The following CDS1 variants were observed in gnomAD, a reference collection of about 807,000 sequenced individuals.
CDS1 encodes the protein phosphatidate cytidylyltransferase 1.
CDS1 carries 41 observed loss-of-function variants against 62.1 expected under a neutral mutation model. The observed-to-expected ratio is 0.66, with a 90% CI of 0.51 to 0.86. The LOEUF (loss-of-function observed/expected upper bound fraction) is 0.86. Among genes scored for constraint, CDS1 ranks in the 40% least tolerant of loss-of-function variants. CDS1 has a pLI of 0.00. For synonymous variants in CDS1, 185 were observed against 192.6 expected, an observed-to-expected ratio of 0.96 and a Z score of 0.32; for missense variants, 470 against 550.1, an observed-to-expected ratio of 0.85 and a Z score of 1.46.
chr4:84,599,592 G>T (rs1722872615), intron 1 of CDS1, among the ~76,000 whole-genome samples: 1 of 151,018 alleles, frequency 6.6e-6, no homozygotes, highest in Non-Finnish European at 1.5e-5. Context: ...GCATTTTCTG[G>T]AATTTTATAT....
intron 1 of CDS1, among the ~76,000 whole-genome samples, chr4:84,595,044 C>T (rs1722707051): frequency 6.6e-6 from 1 of 152,082 alleles, no homozygotes; most frequent in Non-Finnish European, 1.5e-5. Flanking sequence ...AAGAGGTGGC[C>T]AAAATCAGTC....
At chr4:84,646,451 G>A (rs191236579) in intron 12 of CDS1, among the ~76,000 whole-genome samples, 188 of 152,036 alleles carry the variant, frequency 1.2e-3, no homozygotes, top group African/African-American at 4.5e-3. Context: ...ATCCATTGAA[G>A]ACTATTAAGT....
chr4:84,641,530 G>T (rs1724384445), intron 10 of CDS1, among the ~76,000 whole-genome samples: 1 of 152,202 alleles, frequency 6.6e-6, no homozygotes, highest in African/African-American at 2.4e-5. Flanking sequence ...TTTAGAATGT[G>T]TTTCTCATAT....
chr4:84,583,662 T>A lies in CDS1; in HGVS notation c.117+144T>A, dbSNP rs1356738122. ...CACCTTCCTCCCTGCCTGGCACTGC[T>A]TCCTCCTTCTCCAGAGGGGGTCGGG... On this transcript the variant is annotated intron_variant, in intron 1 of 12. Coordinates refer to ENST00000295887, the MANE Select transcript of CDS1 (RefSeq NM_001263.4). 3 of 556,286 alleles carry A rather than the reference T, an allele frequency of 5.4e-6. No homozygotes were observed. In the African/African-American group the frequency reaches 6.1e-5, roughly 11 times the overall value. 34.5% of individuals were successfully genotyped at this position (556,286 alleles called of 1,614,324 possible). A position where few individuals can be genotyped will look rare whatever the true frequency, so the allele number is the denominator to read the frequency against.
intron 1 of CDS1, among the ~76,000 whole-genome samples, chr4:84,583,967 G>A (rs1276525675): frequency 1.3e-5 from 2 of 152,120 alleles, no homozygotes; most frequent in Non-Finnish European, 2.9e-5. Flanking sequence ...ATCCTGACGC[G>A]GGAGGCTTGG....
intron 3 of CDS1, among the ~76,000 whole-genome samples, chr4:84,611,780 A>G (rs1723332059): frequency 1.3e-5 from 2 of 152,190 alleles, no homozygotes; most frequent in Admixed American, 1.3e-4. Context: ...ATGTGAGAGC[A>G]GAGGAAGCGG....
chr4:84,588,047 C>T (rs1390106514), intron 1 of CDS1, among the ~76,000 whole-genome samples: 14 of 152,214 alleles, frequency 9.2e-5, no homozygotes, highest in Non-Finnish European at 8.8e-5. Context: ...TTTGCAGGCC[C>T]TCTGAACAGC....
chr4:84,617,425 A>AT (rs1723531426), intron 3 of CDS1, 139 bp from the exon 4 acceptor site: 3 of 587,878 alleles, frequency 5.1e-6, no homozygotes, highest in South Asian at 4.1e-5. Context: ...GGAATATTGC[A>AT]TTTTTTACTG....
At position 84,628,965 on chromosome 4, in the gene CDS1, C is replaced by G. The variant is rs924339134; in HGVS notation, c.581-2854C>G. Among the ~76,000 whole-genome samples, 3 of 152,174 alleles carry G rather than the reference C, an allele frequency of 2.0e-5. No individual in the cohort carries two copies. In the South Asian group the frequency reaches 6.2e-4, roughly 32 times the overall value. On this transcript the variant is annotated intron_variant, in intron 5 of 12. Transcript: ENST00000295887. ...TGTATTGAGAACACCAGGCACAATACTATGTAGATAAATGATGATAAGTAT... is the reference window on the plus strand; with the variant it reads ...TGTATTGAGAACACCAGGCACAATAGTATGTAGATAAATGATGATAAGTAT...
rs1838038 is a variant in CDS1, at chr4:84,649,211, A to G, written c.*525A>G. 45,776 of 151,896 alleles carry G rather than the reference A, an allele frequency of 0.3. 7,541 individuals are homozygous for G. Among genetic ancestry groups the G allele is most frequent in the East Asian group, 0.49 (2,521 of 5,146 alleles). The allele number at this position is 151,896 out of a possible 1,614,324, so 9.4% of individuals were successfully genotyped here. A position where few individuals can be genotyped will look rare whatever the true frequency, so the allele number is the denominator to read the frequency against. Reference sequence around the variant, plus strand: ...TAAAAAAAAAAAAAAAAGATTGTCTACTTTTCAAAGAAGTAACCATTTGCC... The same window carrying G: ...TAAAAAAAAAAAAAAAAGATTGTCTGCTTTTCAAAGAAGTAACCATTTGCC... On this transcript the variant is annotated 3_prime_UTR_variant, in exon 13 of 13. Coordinates refer to ENST00000295887, the MANE Select transcript of CDS1 (RefSeq NM_001263.4).
chr4:84,633,504 G>A (rs896896669), intron 6 of CDS1, among the ~76,000 whole-genome samples: 2 of 152,154 alleles, frequency 1.3e-5, no homozygotes, highest in Non-Finnish European at 2.9e-5. Context: ...AGAGTAAAAT[G>A]TTCCCCTTTA....
intron 1 of CDS1, among the ~76,000 whole-genome samples, chr4:84,603,115 A>G (rs1722986568): frequency 6.6e-6 from 1 of 152,160 alleles, no homozygotes; most frequent in African/African-American, 2.4e-5. Context: ...ATTATACTAA[A>G]TGCTTCATTT....
chr4:84,620,185 C>G (rs1382915417), intron 5 of CDS1, among the ~76,000 whole-genome samples: 2 of 145,838 alleles, frequency 1.4e-5, no homozygotes, highest in African/African-American at 5.1e-5. Flanking sequence ...GGAAATAGAG[C>G]TTTTTCATGT....
At chr4:84,590,156 G>C (rs962867836) in intron 1 of CDS1, among the ~76,000 whole-genome samples, 6 of 152,116 alleles carry the variant, frequency 3.9e-5, no homozygotes, top group African/African-American at 1.2e-4. Flanking sequence ...ATTGGGTAAG[G>C]GTCACAATAT....
chr4:84,609,027 C>T (rs1431357271), intron 2 of CDS1, among the ~76,000 whole-genome samples: 1 of 151,396 alleles, frequency 6.6e-6, no homozygotes, highest in East Asian at 2.0e-4. Context: ...AAATACAAAA[C>T]AATTAGCCGG....
chr4:84,647,653 A>G (rs1724596719), intron 12 of CDS1, among the ~76,000 whole-genome samples: 3 of 152,212 alleles, frequency 2.0e-5, no homozygotes. Flanking sequence ...GTTTTTTGGC[A>G]GATGAGTTGA....
At chr4:84,593,136 A>G (rs1387175812) in intron 1 of CDS1, among the ~76,000 whole-genome samples, 3 of 152,192 alleles carry the variant, frequency 2.0e-5, no homozygotes, top group Non-Finnish European at 2.9e-5. Flanking sequence ...GAGGCTTCGA[A>G]CAATTCTATG....
At chr4:84,612,473 T>C (rs968520194) in intron 3 of CDS1, among the ~76,000 whole-genome samples, 1 of 152,126 alleles carries the variant, frequency 6.6e-6, no homozygotes, top group East Asian at 1.9e-4. Flanking sequence ...GGGCAAGAAT[T>C]TGTGGATAAA....
chr4:84,633,805 C>A, intron 6 of CDS1, 52 bp from the exon 7 acceptor site: 1 of 1,198,340 alleles, frequency 8.3e-7, no homozygotes, highest in Non-Finnish European at 1.2e-6. Context: ...GCTTCTTCAG[C>A]TGCACTGATC....
Sources: allele counts gnomAD v4.1 joint callset (sites outside exome capture counted in the v4.1 genomes callset), GRCh38; gene constraint gnomAD v4.1.1; transcripts MANE v1.5; gene names NCBI Gene and HGNC (gene_info 2026-07-23, HGNC 2026-07-21).